The following GLDC variants were observed in gnomAD, a reference collection of about 807,000 sequenced individuals.
GLDC encodes the protein glycine decarboxylase.
A neutral mutation model predicts 121.3 loss-of-function variants in GLDC; 104 were observed. The observed-to-expected ratio is 0.86, with a 90% CI of 0.73 to 1.01. GLDC has a LOEUF of 1.01. GLDC is among the 50% of genes least tolerant of loss of function. The pLI, the probability that GLDC is intolerant of heterozygous loss-of-function variation, is 0.00. For missense variants in GLDC, 1,429 were observed against 1,306.6 expected (o/e 1.09, Z -1.44); for synonymous variants, 546 against 480.6 (o/e 1.14, Z -1.78).
At chr9:6,640,959 TTTG>T (rs1819618943) in intron 2 of GLDC, among the ~76,000 whole-genome samples, 1 of 152,136 alleles carries the variant, frequency 6.6e-6, no homozygotes, top group African/African-American at 2.4e-5. Context: ...TTCTAGTCCT[TTTG>T]TTGTTGTTGA....
intron 3 of GLDC, among the ~76,000 whole-genome samples, chr9:6,616,054 C>T (rs1051736187): frequency 3.5e-4 from 54 of 152,336 alleles, no homozygotes; most frequent in South Asian, 4.1e-4. Context: ...CTGCCTCAGC[C>T]TCCCAAGGAG....
chr9:6,627,111 C>G (rs1005979945), intron 2 of GLDC, among the ~76,000 whole-genome samples: 6 of 151,778 alleles, frequency 4.0e-5, no homozygotes, highest in East Asian at 1.9e-4. Context: ...CTGGCTAACA[C>G]GGTGAAACCC....
intron 6 of GLDC, 44 bp downstream of exon 6, chr9:6,605,087 T>A: frequency 6.4e-7 from 1 of 1,551,880 alleles, no homozygotes; most frequent in South Asian, 1.1e-5. Flanking sequence ...AGATACAAGT[T>A]GGGATACGCC....
At chr9:6,641,876 A>T (rs115418937) in intron 2 of GLDC, among the ~76,000 whole-genome samples, 2,160 of 152,300 alleles carry the variant, frequency 0.014, 87 homozygotes, top group Admixed American at 0.067. Flanking sequence ...TTAATCCAGA[A>T]TTCCTTTCTG....
rs373482451 is a variant in GLDC at position 6,602,186 on chromosome 9, C to A, written c.1078G>T (p.Val360Leu). The A allele has an allele frequency of 6.2e-7, 1 of 1,611,660 alleles. No individual in the cohort carries two copies. The highest frequency in any genetic ancestry group is 2.2e-5 in the East Asian group (1 of 44,868). ...CTGGTTTGAAGAGCAAGACGATACA[C>A]TTCTTTCCCAGTGGCATCTCTACAC... ...GVTRDATGKE[V>L]YRLALQTREQ... The change falls in exon 8 of 25, where the codon GTG (valine) becomes TTG (leucine). Residue 360 changes from valine (V) to leucine (L), a missense_variant. By Grantham distance (32) the Val-to-Leu change is conservative. Transcript: ENST00000321612.
At chr9:6,561,984 T>C (rs1817768297) in intron 16 of GLDC, among the ~76,000 whole-genome samples, 1 of 152,218 alleles carries the variant, frequency 6.6e-6, no homozygotes, top group Admixed American at 6.5e-5. Flanking sequence ...CTTTGTTGAT[T>C]TACATATAAC....
intron 1 of GLDC, 64 bp downstream of exon 1, chr9:6,645,181 C>T: frequency 1.4e-6 from 2 of 1,464,856 alleles, no homozygotes; most frequent in Non-Finnish European, 9.1e-7. Flanking sequence ...AGCCGGGAGG[C>T]CGCGCAGGCA....
chr9:6,644,619 G>T lies in GLDC; in HGVS notation c.329C>A (p.Pro110His), dbSNP rs371491621. ...GAGCCCTCCCGGCCACTTACAAACA[G>T]GGTCTTCCATTTTCAAGGGTCTTTT... ...RLKRPLKMED[P>H]VCENEILATL... The change falls in exon 2 of 25, where the codon CCT becomes CAT. Residue 110 changes from proline (P) to histidine (H), a missense_variant. Pro to His is a moderately conservative substitution (Grantham distance 77, BLOSUM62 -2). Coordinates refer to ENST00000321612, the MANE Select transcript of GLDC (RefSeq NM_000170.3). 66 of 1,608,270 alleles carry T rather than the reference G, an allele frequency of 4.1e-5. No homozygotes were observed. In the African/African-American group the frequency reaches 7.7e-4, roughly 19 times the overall value.
chr9:6,625,918 G>A (rs988369774), intron 2 of GLDC, among the ~76,000 whole-genome samples: 1 of 151,848 alleles, frequency 6.6e-6, no homozygotes, highest in Non-Finnish European at 1.5e-5. Flanking sequence ...CTCAGATTCA[G>A]GAAAGTCATG....
intron 8 of GLDC, 38 bp downstream of exon 8, chr9:6,602,071 G>A (rs780030331): frequency 1.0e-5 from 12 of 1,171,730 alleles, no homozygotes; most frequent in African/African-American, 6.0e-5. Context: ...TCTGTGTATC[G>A]TAAGGCATTC....
At chr9:6,536,366 G>T (rs1215529256) in intron 22 of GLDC, 130 bp from the exon 23 acceptor site, 1 of 824,560 alleles carries the variant, frequency 1.2e-6, no homozygotes, top group Non-Finnish European at 2.0e-6. Context: ...ATGTATGTAT[G>T]TGGGGACTCA....
chr9:6,550,659 G>A, intron 21 of GLDC, 144 bp downstream of exon 21: 4 of 702,732 alleles, frequency 5.7e-6, no homozygotes, highest in Non-Finnish European at 2.6e-6. Context: ...ATAAACCCGA[G>A]TTATTTCCAA....
rs1249681861 is a variant in GLDC at position 6,595,093 on chromosome 9, C to T, written c.1182G>A (p.Met394Ile). The change falls in exon 9 of 25, where the codon ATG becomes ATA. Residue 394 changes from methionine (M) to isoleucine (I), a missense_variant. By Grantham distance (10) the Met-to-Ile change is conservative. Coordinates refer to ENST00000321612, the MANE Select transcript of GLDC (RefSeq NM_000170.3). ...AQALLANMAA[M>I]FAIYHGSHGL... ...CATGGGAACCATGGTAGATTGCAAA[C>T]ATGGCAGCCATATTCGCCAAGAGGG... 2 of 1,612,708 alleles carry T rather than the reference C, an allele frequency of 1.2e-6. No homozygotes were observed. The highest frequency in any genetic ancestry group is 2.7e-5 in the African/African-American group (2 of 74,906).
intron 10 of GLDC, 29 bp from the exon 11 acceptor site, chr9:6,592,252 AT>A: frequency 1.5e-6 from 2 of 1,354,074 alleles, no homozygotes; most frequent in Non-Finnish European, 2.1e-6. Context: ...AATGGAAAAC[AT>A]CAACTCTAAA....
intron 2 of GLDC, among the ~76,000 whole-genome samples, chr9:6,638,738 C>T (rs1399477089): frequency 2.0e-5 from 3 of 152,036 alleles, no homozygotes; most frequent in African/African-American, 7.2e-5. Context: ...TCACTGGGCA[C>T]GGTGGCTCCC....
chr9:6,622,906 A>T (rs2129959652), intron 2 of GLDC: 1 of 207,384 alleles, frequency 4.8e-6, no homozygotes, highest in Non-Finnish European at 9.7e-6. Flanking sequence ...CCGGTCTGGG[A>T]TGTGAGGAGC....
At chr9:6,597,713 G>C (rs1242250133) in intron 8 of GLDC, among the ~76,000 whole-genome samples, 1 of 152,184 alleles carries the variant, frequency 6.6e-6, no homozygotes, top group Non-Finnish European at 1.5e-5. Flanking sequence ...GAGGCAGGTG[G>C]ATCATGAGGT....
intron 8 of GLDC, among the ~76,000 whole-genome samples, chr9:6,599,718 C>CT (rs1409074072): frequency 4.0e-5 from 4 of 99,438 alleles, no homozygotes; most frequent in African/African-American, 1.6e-4. Flanking sequence ...AAGACTCCAT[C>CT]TCAAAAAAAA....
chr9:6,556,519 G>A (rs902151955), intron 17 of GLDC, among the ~76,000 whole-genome samples: 4 of 152,344 alleles, frequency 2.6e-5, no homozygotes, highest in African/African-American at 9.6e-5. Context: ...CTGGCTGGGT[G>A]TGGTGGCTCA....
Sources: allele counts gnomAD v4.1 joint callset (sites outside exome capture counted in the v4.1 genomes callset), GRCh38; gene constraint gnomAD v4.1.1; transcripts MANE v1.5; gene names NCBI Gene and HGNC (gene_info 2026-07-23, HGNC 2026-07-21).